Variants in USP38 observed in about 807,000 individuals in gnomAD.
USP38 encodes the protein ubiquitin specific peptidase 38, also known as ubiquitin carboxyl-terminal hydrolase 38.
A neutral mutation model predicts 94.3 loss-of-function variants in USP38; 49 were observed. The observed-to-expected ratio is 0.52, with a 90% CI of 0.41 to 0.66. The LOEUF (loss-of-function observed/expected upper bound fraction) is 0.66, where lower values mean the gene tolerates loss of function less well. Among genes scored for constraint, USP38 ranks in the 30% least tolerant of loss-of-function variants. The probability of loss-of-function intolerance (pLI) is 0.00; values close to 1 mark genes in which losing one functional copy is unlikely to be tolerated. For synonymous variants in USP38, 468 were observed against 463.6 expected, an observed-to-expected ratio of 1.01 and a Z score of -0.12; for missense variants, 1,128 against 1,229.4, an observed-to-expected ratio of 0.92 and a Z score of 1.23.
intron 2 of USP38, among the ~76,000 whole-genome samples, chr4:143,191,123 T>C (rs1171707375): frequency 6.6e-6 from 1 of 152,182 alleles, no homozygotes; most frequent in Non-Finnish European, 1.5e-5. Context: ...GATAGTGATA[T>C]TTGCTTTTAC....
At chr4:143,209,851 C>G (rs1003533232) in intron 7 of USP38, among the ~76,000 whole-genome samples, 194 bp downstream of exon 7, 1 of 151,954 alleles carries the variant, frequency 6.6e-6, no homozygotes, top group Non-Finnish European at 1.5e-5. Context: ...AGGATATGCC[C>G]TAAGTTTTTA....
Position 143,214,859 on chromosome 4 carries a change from CAGTGG to C in USP38, c.2885_2889del (p.Ser962ThrfsTer22), listed in dbSNP as rs1732140356. 18 of 1,613,412 alleles carry C rather than the reference CAGTGG, an allele frequency of 1.1e-5. No individual in the cohort carries two copies. Among genetic ancestry groups the C allele is most frequent in the Non-Finnish European group, 1.4e-5 (17 of 1,179,690 alleles). On this transcript the variant is annotated frameshift_variant, in exon 9 of 10. Transcript: ENST00000307017. LOFTEE classifies it high-confidence loss of function. ...ATGGTTTAAGTGGTAATAACCCAAC[CAGTGG>C]ACTCTGGATAAATGGAGACCCACCT... is the stretch of plus-strand genomic sequence containing the variant.
Position 143,185,345 on chromosome 4 carries a change from C to A in USP38, c.-106C>A. On this transcript the variant is annotated 5_prime_UTR_variant, in exon 1 of 10. The change creates a new upstream start codon in the 5' untranslated region. Transcript: ENST00000307017. ...GTGGCCGTGGCCCGTCGCGCTGCTG[C>A]TGCGGCGCTCCAAGTTCATCTCCGC... 1 of 1,289,258 alleles carries A rather than the reference C, an allele frequency of 7.8e-7. No homozygotes were observed. Among genetic ancestry groups the A allele is most frequent in the Non-Finnish European group, 1.0e-6 (1 of 957,146 alleles). 79.9% of individuals were successfully genotyped at this position (1,289,258 alleles called of 1,614,324 possible).
chr4:143,211,138 GA>G (rs935837717), intron 7 of USP38, among the ~76,000 whole-genome samples: 1 of 151,454 alleles, frequency 6.6e-6, no homozygotes, highest in South Asian at 2.1e-4. Context: ...GAGCTATTAG[GA>G]AAAAAAATCT....
At position 143,185,366 on chromosome 4, in the gene USP38, T is replaced by C; in HGVS notation, c.-85T>C. 6.9e-7 allele frequency: 1 copy of C among 1,442,530 alleles called. No homozygotes were observed. Among genetic ancestry groups the C allele is most frequent in the Non-Finnish European group, 9.2e-7 (1 of 1,082,388 alleles). 89.4% of individuals were successfully genotyped at this position (1,442,530 alleles called of 1,614,324 possible). A position where few individuals can be genotyped will look rare whatever the true frequency, so the allele number is the denominator to read the frequency against. ...GCTGCTGCGGCGCTCCAAGTTCATC[T>C]CCGCCCCGGGGCTCTCCTGCCCCAC... is the stretch of plus-strand genomic sequence containing the variant. On this transcript the variant is annotated 5_prime_UTR_variant, in exon 1 of 10. Transcript: ENST00000307017.
rs1732348381 is a variant in USP38 at position 143,222,438 on chromosome 4, A to G, written c.*1982A>G. The G allele has an allele frequency of 6.6e-6, 1 of 151,972 alleles. No homozygotes were observed. Among genetic ancestry groups the G allele is most frequent in the Admixed American group, 6.6e-5 (1 of 15,226 alleles). 9.4% of individuals were successfully genotyped at this position (151,972 alleles called of 1,614,324 possible). ...TCCTCCCATATACTTTAATCTCCAG[A>G]TGATTAGATATGATTGCATAGCACT... On this transcript the variant is annotated 3_prime_UTR_variant, in exon 10 of 10. Coordinates refer to ENST00000307017, the MANE Select transcript of USP38 (RefSeq NM_032557.6).
chr4:143,204,228 C>T (rs1323206759), intron 5 of USP38, among the ~76,000 whole-genome samples: 1 of 152,146 alleles, frequency 6.6e-6, no homozygotes, highest in Admixed American at 6.5e-5. Context: ...AATCTGCCTG[C>T]CTTGGCCTTC....
At chr4:143,207,502 C>T (rs1306841914) in intron 6 of USP38, among the ~76,000 whole-genome samples, 6 of 152,124 alleles carry the variant, frequency 3.9e-5, no homozygotes, top group South Asian at 4.1e-4. Context: ...TGTGCCACTG[C>T]ACTCCAGCCT....
chr4:143,209,538 A>G (rs1256080845), intron 6 of USP38, 26 bp from the exon 7 acceptor site: 1 of 1,396,634 alleles, frequency 7.2e-7, no homozygotes, highest in Non-Finnish European at 1.0e-6. Flanking sequence ...ACGCACATAT[A>G]TATAAATCAT....
At chr4:143,207,923 C>A (rs6820538) in intron 6 of USP38, among the ~76,000 whole-genome samples, 90,356 of 152,018 alleles carry the variant, frequency 0.59, 27,039 homozygotes, top group East Asian at 0.82. Flanking sequence ...TATATGAATT[C>A]TTCTTCATAG....
At chr4:143,187,805 T>G in intron 1 of USP38, 21 bp from the exon 2 acceptor site, 1 of 1,597,800 alleles carries the variant, frequency 6.3e-7, no homozygotes, top group Non-Finnish European at 8.5e-7. Context: ...TGTTCCCTTT[T>G]CTTTTTAATT....
At chr4:143,193,389 T>G (rs1258116866) in intron 2 of USP38, among the ~76,000 whole-genome samples, 2 of 152,220 alleles carry the variant, frequency 1.3e-5, no homozygotes, top group Non-Finnish European at 2.9e-5. Flanking sequence ...TTTGCAGTTC[T>G]TCTATACCAT....
At chr4:143,210,286 A>G (rs562555729) in intron 7 of USP38, among the ~76,000 whole-genome samples, 1 of 152,244 alleles carries the variant, frequency 6.6e-6, no homozygotes, top group Admixed American at 6.5e-5. Flanking sequence ...AGTCAGTGAT[A>G]AGCATTAAAA....
At chr4:143,212,979 A>G (rs1357201704) in intron 8 of USP38, among the ~76,000 whole-genome samples, 1 of 152,188 alleles carries the variant, frequency 6.6e-6, no homozygotes, top group African/African-American at 2.4e-5. Context: ...ATATCAATAA[A>G]TACAACCCAT....
intron 3 of USP38, 105 bp from the exon 4 acceptor site, chr4:143,197,718 A>G: frequency 1.4e-6 from 1 of 712,576 alleles, no homozygotes; most frequent in East Asian, 2.7e-5. Flanking sequence ...ACTTTCCAGA[A>G]GGGGGACATT....
In USP38 at chr4:143,185,626, A is replaced by T. The variant is rs994172476; in HGVS notation, c.176A>T (p.Gln59Leu). Residue 59 changes from glutamine (Q) to leucine (L), a missense_variant, in exon 1 of 10, where the codon CAG becomes CTG. Transcript: ENST00000307017. ...ILEGQDPFQR[Q>L]VGHQVLEAYA... ...GAGGGCCAGGACCCTTTCCAGCGGC[A>T]GGTGGGGCACCAGGTGCTGGAGGCC... is the stretch of plus-strand genomic sequence containing the variant. 1.9e-6 allele frequency: 3 copies of T among 1,614,048 alleles called. No homozygotes were observed. The highest frequency in any genetic ancestry group is 1.7e-5 in the Admixed American group (1 of 60,008).
intron 4 of USP38, among the ~76,000 whole-genome samples, chr4:143,200,469 G>A (rs1373916453): frequency 1.3e-5 from 2 of 152,058 alleles, no homozygotes; most frequent in Non-Finnish European, 2.9e-5. Flanking sequence ...TTGAAAACCA[G>A]CACAAGACAA....
chr4:143,186,016 G>C lies in USP38; in HGVS notation c.566G>C (p.Arg189Pro). The C allele has an allele frequency of 6.2e-7, 1 of 1,614,176 alleles. No individual in the cohort carries two copies. Among genetic ancestry groups the C allele is most frequent in the Non-Finnish European group, 8.5e-7 (1 of 1,180,052 alleles). Residue 189 changes from arginine (R) to proline (P), a missense_variant, in exon 1 of 10, where the codon CGG (arginine) becomes CCG (proline). Coordinates refer to ENST00000307017, the MANE Select transcript of USP38 (RefSeq NM_032557.6). ...QCVSTQEREL[R>P]EYVSQVTKVS... ...GTGTCCACCCAGGAAAGAGAGCTGC[G>C]GGAATATGTCTCCCAGGTGACAAAA...
intron 6 of USP38, 87 bp downstream of exon 6, chr4:143,206,313 T>C: frequency 1.7e-6 from 2 of 1,144,198 alleles, no homozygotes. Flanking sequence ...GTCTACACAT[T>C]ATTCCTTATA....
Sources: gnomAD v4.1 joint callset for allele counts (sites outside exome capture counted in the v4.1 genomes callset) on GRCh38, gnomAD v4.1.1 for gene constraint, MANE v1.5 for transcripts, NCBI Gene and HGNC (gene_info 2026-07-23, HGNC 2026-07-21) for gene names.